USP50: variants seen among roughly 807,000 people sequenced by gnomAD.
The protein encoded by USP50 is ubiquitin carboxyl-terminal hydrolase 50.
A neutral mutation model predicts 39.2 loss-of-function variants in USP50; 37 were observed. The ratio of observed to expected loss-of-function variants is 0.94; its 90% CI spans 0.73 to 1.24. USP50 has a LOEUF of 1.24. Among genes scored for constraint, USP50 ranks in the 50% most tolerant of loss-of-function variants. The pLI is 0.00. For missense variants in USP50, 374 were observed against 398.2 expected, an observed-to-expected ratio of 0.94 and a Z score of 0.52; for synonymous variants, 139 against 144.5, an observed-to-expected ratio of 0.96 and a Z score of 0.27.
chr15:50,529,784 T>C lies in USP50; in HGVS notation c.936+13A>G, dbSNP rs371310672. 1.0e-4 allele frequency: 168 copies of C among 1,607,430 alleles called. No homozygotes were observed. The Middle Eastern group carries it at 1.5e-3, about 14-fold the overall frequency. Reference sequence around the variant, plus strand: ...TAAAATTGGATTACTTTTAACAGTTTGTTTTTACTCACCACCACTGCACAG... The same window carrying C: ...TAAAATTGGATTACTTTTAACAGTTCGTTTTTACTCACCACCACTGCACAG... On this transcript the variant is annotated intron_variant, in intron 6 of 6. Transcript: ENST00000532404.
At chr15:50,537,453 C>G (rs1051094557) in intron 5 of USP50, among the ~76,000 whole-genome samples, 1 of 151,780 alleles carries the variant, frequency 6.6e-6, no homozygotes, top group Admixed American at 6.6e-5. Context: ...AAGCTGGACT[C>G]CATTACAGTC....
At chr15:50,493,583 G>C (rs546113190), downstream of USP50, 101 of 473,400 alleles carry the variant, frequency 2.1e-4, no homozygotes, top group Non-Finnish European at 3.6e-4. Flanking sequence ...GCAAAACTCC[G>C]TCTCTACAAA....
chr15:50,503,577 G>A (rs2052619661), intron 6 of USP50: 1 of 152,192 alleles, frequency 6.6e-6, no homozygotes, highest in African/African-American at 2.4e-5. Context: ...ACCCTCTAGT[G>A]CTTGTGTTAG....
At chr15:50,513,132 G>A (rs1433337515) in intron 6 of USP50, 1 of 152,122 alleles carries the variant, frequency 6.6e-6, no homozygotes, top group Non-Finnish European at 1.5e-5. Flanking sequence ...ATCCTGGTAG[G>A]GGTATGTATT....
chr15:50,544,445 T>G, intron 2 of USP50, 142 bp downstream of exon 2: 1 of 658,030 alleles, frequency 1.5e-6, no homozygotes, highest in Non-Finnish European at 2.5e-6. Flanking sequence ...TTTTACTTAC[T>G]CTAGCGTGTT....
chr15:50,501,898 C>G (rs1451629224), intron 6 of USP50: 1 of 152,090 alleles, frequency 6.6e-6, no homozygotes, highest in Non-Finnish European at 1.5e-5. Context: ...TTATGAAATT[C>G]AAATGTCAAT....
intron 6 of USP50, among the ~76,000 whole-genome samples, chr15:50,529,458 C>T (rs1030526398): frequency 6.6e-6 from 1 of 152,064 alleles, no homozygotes; most frequent in Non-Finnish European, 1.5e-5. Flanking sequence ...ACTGATGGCA[C>T]TCCAGCCTGG....
intron 1 of USP50, among the ~76,000 whole-genome samples, chr15:50,494,900 A>G (rs1467122023): frequency 6.6e-6 from 1 of 152,102 alleles, no homozygotes; most frequent in Non-Finnish European, 1.5e-5. Context: ...CTGTAATCCC[A>G]GCTACTCAGG....
chr15:50,535,160 C>A (rs568590792), intron 5 of USP50, among the ~76,000 whole-genome samples: 1,594 of 152,042 alleles, frequency 0.01, 29 homozygotes, highest in African/African-American at 0.037. Context: ...CACACACACA[C>A]ACACAAAAAT....
intron 3 of USP50, among the ~76,000 whole-genome samples, chr15:50,542,481 ATTTTTTTTTTT>A (rs11292495): frequency 1.0e-5 from 1 of 97,396 alleles, no homozygotes; most frequent in African/African-American, 4.0e-5. Flanking sequence ...TTTCCTTTTC[ATTTTTTTTTTT>A]TTTTTTTTTT....
At chr15:50,545,775 A>G (rs2053066605) in intron 1 of USP50, among the ~76,000 whole-genome samples, 1 of 151,952 alleles carries the variant, frequency 6.6e-6, no homozygotes, top group Non-Finnish European at 1.5e-5. Flanking sequence ...AATCCCAACT[A>G]TGCCGTTTAT....
chr15:50,542,480 C>CCT (rs1491341726), intron 3 of USP50, among the ~76,000 whole-genome samples: 1 of 111,244 alleles, frequency 9.0e-6, no homozygotes, highest in Non-Finnish European at 1.9e-5. Flanking sequence ...TTTTCCTTTT[C>CCT]ATTTTTTTTT....
chr15:50,516,086 C>T (rs1284899359), intron 6 of USP50, among the ~76,000 whole-genome samples: 1 of 151,984 alleles, frequency 6.6e-6, no homozygotes, highest in African/African-American at 2.4e-5. Context: ...CTTAAAATAG[C>T]CTGTAGTAAG....
chr15:50,525,615 T>C (rs1240703448), intron 6 of USP50, among the ~76,000 whole-genome samples: 3 of 137,424 alleles, frequency 2.2e-5, no homozygotes, highest in African/African-American at 8.5e-5. Context: ...TGTATATATG[T>C]ATATATGTAT....
intron 6 of USP50, 103 bp from the exon 7 acceptor site, chr15:50,500,940 C>G: frequency 1.0e-6 from 1 of 983,306 alleles, no homozygotes; most frequent in Non-Finnish European, 1.6e-6. Flanking sequence ...GTCCCTTATT[C>G]TAAATTAAAA....
At chr15:50,498,582 G>C (rs2052503450), downstream of USP50, 2 of 1,601,414 alleles carry the variant, frequency 1.2e-6, no homozygotes, top group South Asian at 2.3e-5. Flanking sequence ...TAATTGTAAT[G>C]TTTTGTTCTG....
chr15:50,496,112 A>G (rs1324934367), downstream of USP50: 10 of 1,524,104 alleles, frequency 6.6e-6, no homozygotes, highest in Non-Finnish European at 9.0e-6. Flanking sequence ...AGAGAAAATG[A>G]TTTATTGGAT....
chr15:50,508,080 A>T (rs1007741639), intron 6 of USP50: 2 of 151,354 alleles, frequency 1.3e-5, no homozygotes, highest in African/African-American at 4.8e-5. Flanking sequence ...AAAAAAAAAA[A>T]AAAAAAAAAA....
chr15:50,518,387 AT>A (rs767249659), intron 6 of USP50, among the ~76,000 whole-genome samples: 1 of 150,754 alleles, frequency 6.6e-6, no homozygotes, highest in Non-Finnish European at 1.5e-5. Flanking sequence ...CGCCCGGCTA[AT>A]TTTTTTTTAT....
Sources: gnomAD v4.1 joint callset for allele counts (sites outside exome capture counted in the v4.1 genomes callset) on GRCh38, gnomAD v4.1.1 for gene constraint, MANE v1.5 for transcripts, NCBI Gene and HGNC (gene_info 2026-07-23, HGNC 2026-07-21) for gene names.